NCAM2: variants seen among roughly 807,000 people sequenced by gnomAD.
The protein encoded by NCAM2 is N-CAM-2.
In NCAM2, 30 loss-of-function variants were observed where a neutral mutation model predicts 98.1. The observed-to-expected ratio is 0.31, with a 90% CI of 0.23 to 0.41. The LOEUF (loss-of-function observed/expected upper bound fraction) is 0.41. Ranked by LOEUF, NCAM2 falls within the 10% of genes least tolerant of loss-of-function variation. The pLI is 1.00. For missense variants in NCAM2, 867 were observed against 1,005.8 expected (o/e 0.86, Z 1.87); for synonymous variants, 368 against 342.4 (o/e 1.07, Z -0.83).
intron 1 of NCAM2, among the ~76,000 whole-genome samples, chr21:21,194,291 A>T (rs1329105335): frequency 6.6e-6 from 1 of 152,102 alleles, no homozygotes; most frequent in Non-Finnish European, 1.5e-5. Context: ...CTGATTCTTT[A>T]TCAGAAAATC....
chr21:21,093,543 A>G (rs1234133105), intron 1 of NCAM2, among the ~76,000 whole-genome samples: 1 of 152,070 alleles, frequency 6.6e-6, no homozygotes, highest in African/African-American at 2.4e-5. Context: ...TTTGGTTACC[A>G]TTCACTATTT....
At chr21:21,228,196 G>A (rs955527927) in intron 1 of NCAM2, among the ~76,000 whole-genome samples, 4 of 151,578 alleles carry the variant, frequency 2.6e-5, no homozygotes, top group African/African-American at 7.3e-5. Context: ...CAGACAAATG[G>A]TTATTTTAAC....
chr21:21,153,654 T>G (rs576641011), intron 1 of NCAM2, among the ~76,000 whole-genome samples: 72 of 151,784 alleles, frequency 4.7e-4, no homozygotes, highest in African/African-American at 1.7e-3. Context: ...TGGTGGGGGG[T>G]ACCGTGCGAA....
chr21:21,037,599 G>A (rs962937830), intron 1 of NCAM2, among the ~76,000 whole-genome samples: 1 of 152,142 alleles, frequency 6.6e-6, no homozygotes, highest in Non-Finnish European at 1.5e-5. Flanking sequence ...TGTTCAATAA[G>A]AGACAACAGA....
At position 21,256,635 on chromosome 21, in the gene NCAM2, G is replaced by A. The variant is rs563498988; in HGVS notation, c.56-23943G>A. Among the ~76,000 whole-genome samples, 11 of 152,144 alleles carry A rather than the reference G, an allele frequency of 7.2e-5. No individual in the cohort carries two copies. The East Asian group carries it at 1.7e-3, about 24-fold the overall frequency. ...CTCTACAATCATATGCCTTTTTTAA[G>A]GAGTGTCATGAATCCAGATACTGAG... On this transcript the variant is annotated intron_variant, in intron 1 of 17. Transcript: ENST00000400546.
intron 1 of NCAM2, among the ~76,000 whole-genome samples, chr21:21,015,666 T>G (rs2064292826): frequency 6.6e-6 from 1 of 152,150 alleles, no homozygotes; most frequent in Admixed American, 6.6e-5. Context: ...TGGCGATATC[T>G]CCAAGGTATG....
intron 1 of NCAM2, among the ~76,000 whole-genome samples, chr21:21,210,964 C>CA: frequency 1.0e-5 from 1 of 96,762 alleles, no homozygotes; most frequent in South Asian, 3.6e-4. Flanking sequence ...AATACTCTCC[C>CA]CAAACACACA....
At chr21:21,166,241 T>A (rs945911374) in intron 1 of NCAM2, among the ~76,000 whole-genome samples, 3 of 152,224 alleles carry the variant, frequency 2.0e-5, no homozygotes, top group South Asian at 2.1e-4. Context: ...GGAGTCTCGC[T>A]CTGTCGCCCA....
At chr21:21,061,752 C>G (rs1293804104) in intron 1 of NCAM2, among the ~76,000 whole-genome samples, 1 of 152,048 alleles carries the variant, frequency 6.6e-6, no homozygotes, top group Non-Finnish European at 1.5e-5. Flanking sequence ...AGTATGCCTA[C>G]TTACCATCCT....
intron 1 of NCAM2, among the ~76,000 whole-genome samples, chr21:21,208,003 TTAAA>T (rs1180059178): frequency 3.3e-5 from 5 of 152,314 alleles, no homozygotes; most frequent in South Asian, 2.1e-4. Context: ...TTCTTCCAAC[TTAAA>T]TAAACAAAAC....
chr21:21,248,212 T>C lies in NCAM2; in HGVS notation c.56-32366T>C, dbSNP rs538342559. 5.3e-5 allele frequency among the ~76,000 whole-genome samples: 8 copies of C among 152,308 alleles called. No homozygotes were observed. The South Asian group carries it at 1.7e-3, about 32-fold the overall frequency. On this transcript the variant is annotated intron_variant, in intron 1 of 17. Coordinates refer to ENST00000400546, the MANE Select transcript of NCAM2 (RefSeq NM_004540.5). ...ACAAAAAGTCCAATTGACTTGTTTG[T>C]ATGCTTAATTCTTCTCAGAGCTTAT...
intron 1 of NCAM2, among the ~76,000 whole-genome samples, chr21:21,178,163 A>G (rs1231229514): frequency 6.6e-6 from 1 of 152,152 alleles, no homozygotes; most frequent in Non-Finnish European, 1.5e-5. Context: ...TTCTTCTTAC[A>G]ATGAAAAACA....
chr21:21,297,027 C>CT (rs2147613303), intron 5 of NCAM2, among the ~76,000 whole-genome samples: 1 of 151,546 alleles, frequency 6.6e-6, no homozygotes, highest in East Asian at 1.9e-4. Context: ...AGGATGAAAG[C>CT]TAAAAAAAAG....
At chr21:21,246,156 C>A (rs1369760160) in intron 1 of NCAM2, among the ~76,000 whole-genome samples, 1 of 152,122 alleles carries the variant, frequency 6.6e-6, no homozygotes, top group Non-Finnish European at 1.5e-5. Context: ...TCTGCCATGC[C>A]ACTCAACCAG....
intron 1 of NCAM2, among the ~76,000 whole-genome samples, chr21:21,099,736 C>T (rs6518076): frequency 0.34 from 51,307 of 151,648 alleles, 11,780 homozygotes; most frequent in African/African-American, 0.65. Flanking sequence ...TAGCTAGTTT[C>T]CAAGTGTCAA....
At chr21:21,196,290 G>C (rs1464422246) in intron 1 of NCAM2, among the ~76,000 whole-genome samples, 1 of 152,148 alleles carries the variant, frequency 6.6e-6, no homozygotes, top group Non-Finnish European at 1.5e-5. Flanking sequence ...CACATCCAAT[G>C]ACTGATTGAG....
intron 15 of NCAM2, among the ~76,000 whole-genome samples, chr21:21,490,708 C>G (rs1306526904): frequency 6.6e-6 from 1 of 151,484 alleles, no homozygotes; most frequent in Non-Finnish European, 1.5e-5. Context: ...GAATATTTTT[C>G]TCTTACATTT....
intron 1 of NCAM2, among the ~76,000 whole-genome samples, chr21:21,158,032 A>G (rs568042911): frequency 6.6e-6 from 1 of 152,312 alleles, no homozygotes; most frequent in Non-Finnish European, 1.5e-5. Context: ...TTAGCCGTGT[A>G]ATCTTCGGAA....
chr21:21,360,507 T>C (rs1247142406), intron 8 of NCAM2, among the ~76,000 whole-genome samples: 3 of 152,130 alleles, frequency 2.0e-5, no homozygotes, highest in Middle Eastern at 3.4e-3. Flanking sequence ...TATCTACTTA[T>C]AAGATAATGT....
Sources: gnomAD v4.1 joint callset for allele counts (sites outside exome capture counted in the v4.1 genomes callset) on GRCh38, gnomAD v4.1.1 for gene constraint, MANE v1.5 for transcripts, NCBI Gene and HGNC (gene_info 2026-07-23, HGNC 2026-07-21) for gene names.